OR9I1: variants seen among roughly 807,000 people sequenced by gnomAD.
OR9I1 encodes olfactory receptor 9I1.
In OR9I1, 7 loss-of-function variants were observed where a neutral mutation model predicts 11.2. The observed-to-expected ratio is 0.62, with a 90% CI of 0.36 to 1.17. The LOEUF (loss-of-function observed/expected upper bound fraction) is 1.17. Among genes scored for constraint, OR9I1 ranks in the 50% most tolerant of loss-of-function variants. The pLI is 0.02. For missense variants in OR9I1, 428 were observed against 377.2 expected (o/e 1.13, Z -1.12); for synonymous variants, 165 against 153.4 (o/e 1.08, Z -0.56).
intron 2 of OR9I1, among the ~76,000 whole-genome samples, chr11:58,120,249 T>C (rs911328197): frequency 6.4e-4 from 98 of 152,230 alleles, no homozygotes; most frequent in African/African-American, 2.1e-3. Context: ...TGACCTTGGG[T>C]AAGTTAACTA....
At chr11:58,123,870 T>C (rs1321950733) in intron 2 of OR9I1, among the ~76,000 whole-genome samples, 3 of 152,210 alleles carry the variant, frequency 2.0e-5, no homozygotes, top group Non-Finnish European at 2.9e-5. Flanking sequence ...TTCTTTGTGG[T>C]CCATGTTTTT....
rs756501183 is a variant in OR9I1, at chr11:58,119,012, C to G, written c.433G>C (p.Val145Leu). ...ACCCCACAGACATAGGCTCCTACCA[C>G]CAGGCTCCAGCAGAGCCTGGGATTC... ...AMNPRLCWSL[V>L]VGAYVCGVSG... is the part of the protein sequence containing the mutation. The change falls in exon 3 of 3, where the codon GTG becomes CTG. Residue 145 changes from valine to leucine, a missense_variant. Physicochemically the swap from Val to Leu is conservative, Grantham distance 32. Transcript: ENST00000641439. 3 of 1,613,928 alleles carry G rather than the reference C, an allele frequency of 1.9e-6. No homozygotes were observed. Among genetic ancestry groups the G allele is most frequent in the Non-Finnish European group, 2.5e-6 (3 of 1,179,992 alleles).
intron 1 of OR9I1, among the ~76,000 whole-genome samples, chr11:58,124,840 C>T (rs12804808): frequency 1.3e-5 from 2 of 152,010 alleles, no homozygotes; most frequent in African/African-American, 2.4e-5. Flanking sequence ...AACCATTTAT[C>T]GAACATCTTC....
In OR9I1 at chr11:58,125,398, T is replaced by A. The variant is rs1413256547; in HGVS notation, c.-349A>T. On this transcript the variant is annotated 5_prime_UTR_variant, in exon 1 of 3. Transcript: ENST00000641439. ...TTCTCTAGTTTGTGTGGACCTTACT[T>A]CAGAGCCAAGGTAATAATTAAGTCT... The A allele has an allele frequency of 6.6e-6, 1 of 152,164 alleles. No individual in the cohort carries two copies. The allele number at this position is 152,164 out of a possible 1,614,324, so 9.4% of individuals were successfully genotyped here.
intron 2 of OR9I1, among the ~76,000 whole-genome samples, chr11:58,120,658 G>T (rs909818906): frequency 2.0e-5 from 3 of 151,304 alleles, no homozygotes; most frequent in African/African-American, 7.3e-5. Flanking sequence ...GCTAAATAAT[G>T]TTGGCTACTT....
Position 58,119,430 on chromosome 11 carries a change from A to T in OR9I1, c.15T>A (p.Asn5Lys). 3.1e-6 allele frequency: 5 copies of T among 1,606,510 alleles called. No homozygotes were observed. The highest frequency in any genetic ancestry group is 4.3e-6 in the Non-Finnish European group (5 of 1,175,260). Residue 5 changes from asparagine (N) to lysine (K), a missense_variant, in exon 3 of 3, where the codon AAT becomes AAA. By Grantham distance (94) the Asn-to-Lys change is moderately conservative. Coordinates refer to ENST00000641439, the MANE Select transcript of OR9I1 (RefSeq NM_001005211.2). ...GAATGAATTCGGTTACTCTGGTGAG[A>T]TTATTCTTGGCCATGGAGACAATGT... MAKN[N>K]LTRVTEFILM... is the part of the protein sequence containing the mutation.
Position 58,119,170 on chromosome 11 carries a change from A to G in OR9I1, c.275T>C (p.Ile92Thr), listed in dbSNP as rs1853996816. ...LATLATGKTV[I>T]SYGHCAAQFF... is the part of the protein sequence containing the mutation. ...CTGGGCAGCACAGTGGCCGTAGGAG[A>G]TGACCGTTTTGCCTGTGGCCAATGT... Residue 92 changes from isoleucine to threonine, a missense_variant, in exon 3 of 3, where the codon ATC (isoleucine) becomes ACC (threonine). Transcript: ENST00000641439. 1.2e-6 allele frequency: 2 copies of G among 1,613,896 alleles called. No individual in the cohort carries two copies. Among genetic ancestry groups the G allele is most frequent in the Admixed American group, 3.3e-5 (2 of 60,002 alleles).
rs1322217366 is a variant in OR9I1, at chr11:58,119,346, A to G, written c.99T>C (p.Ser33=). 1 of 1,613,710 alleles carries G rather than the reference A, an allele frequency of 6.2e-7. No individual in the cohort carries two copies. The highest frequency in any genetic ancestry group is 2.2e-5 in the East Asian group (1 of 44,848). ...TCCCAAGAAGGGTGACTAGGTAGAA[A>G]CTCAGAAACACCAGAAAGAGGGGAA... The part of the protein sequence containing the change: ...LEIPLFLVFL[S]FYLVTLLGNV... Residue 33 remains serine, a synonymous_variant, in exon 3 of 3, where the codon AGT becomes AGC. Coordinates refer to ENST00000641439, the MANE Select transcript of OR9I1 (RefSeq NM_001005211.2).
intron 2 of OR9I1, among the ~76,000 whole-genome samples, chr11:58,123,241 A>G (rs1471688235): frequency 6.6e-6 from 1 of 152,088 alleles, no homozygotes; most frequent in East Asian, 1.9e-4. Context: ...GTCTCCCTCC[A>G]TTTTCCTATA....
rs2120129855 is a variant in OR9I1 at position 58,119,156 on chromosome 11, A to C, written c.289T>G (p.Cys97Gly). The change falls in exon 3 of 3, where the codon TGT (cysteine) becomes GGT (glycine). Residue 97 changes from cysteine to glycine, a missense_variant. Physicochemically the swap from Cys to Gly is radical, Grantham distance 159 (BLOSUM62 -3). Coordinates refer to ENST00000641439, the MANE Select transcript of OR9I1 (RefSeq NM_001005211.2). ...TGKTVISYGH[C>G]AAQFFLFTIC... ...GTGAATAAAAAGAACTGGGCAGCAC[A>C]GTGGCCGTAGGAGATGACCGTTTTG... 1 of 1,614,048 alleles carries C rather than the reference A, an allele frequency of 6.2e-7. No individual in the cohort carries two copies. The highest frequency in any genetic ancestry group is 1.1e-5 in the South Asian group (1 of 91,080).
At chr11:58,123,157 C>T (rs1036492978) in intron 2 of OR9I1, among the ~76,000 whole-genome samples, 37 of 152,122 alleles carry the variant, frequency 2.4e-4, no homozygotes, top group African/African-American at 8.5e-4. Flanking sequence ...CTAAAATTAC[C>T]TCCAAGTGAA....
Position 58,125,492 on chromosome 11 carries a change from TAAGCATTTTG to T in OR9I1, c.-453_-444del, listed in dbSNP as rs1388176556. ...GTAGTCAAGCTAAGCTAAGGTTGTT[TAAGCATTTTG>T]TAGAAAGCAGCTAAGATTGCTCAAA... On this transcript the variant is annotated 5_prime_UTR_variant, in exon 1 of 3. The change abolishes an upstream ATG in the 5' untranslated region. Transcript: ENST00000641439. 1 of 152,212 alleles carries T rather than the reference TAAGCATTTTG, an allele frequency of 6.6e-6. No homozygotes were observed. Among genetic ancestry groups the T allele is most frequent in the African/African-American group, 2.4e-5 (1 of 41,452 alleles). The allele number at this position is 152,212 out of a possible 1,614,324, so 9.4% of individuals were successfully genotyped here.
intron 2 of OR9I1, among the ~76,000 whole-genome samples, chr11:58,122,227 G>A (rs1369157987): frequency 6.6e-6 from 1 of 152,126 alleles, no homozygotes; most frequent in Non-Finnish European, 1.5e-5. Context: ...CTCTAATCAG[G>A]GTCCTAGTGG....
chr11:58,119,652 C>A (rs574958396), intron 2 of OR9I1, among the ~76,000 whole-genome samples, 186 bp from the exon 3 acceptor site: 1 of 152,252 alleles, frequency 6.6e-6, no homozygotes, highest in East Asian at 1.9e-4. Flanking sequence ...GCTGGTATTT[C>A]TGATTCAAAC....
chr11:58,124,669 T>C (rs1283695867), intron 1 of OR9I1, 30 bp from the exon 2 acceptor site: 2 of 152,182 alleles, frequency 1.3e-5, no homozygotes, highest in Admixed American at 1.3e-4. Flanking sequence ...GAGAGAAATA[T>C]TTTATTTTAC....
intron 2 of OR9I1, among the ~76,000 whole-genome samples, chr11:58,124,221 G>T (rs79352647): frequency 1.7e-3 from 261 of 152,210 alleles, no homozygotes; most frequent in African/African-American, 5.6e-3. Flanking sequence ...CCCGAACCCA[G>T]GACAGTTTAT....
Position 58,119,105 on chromosome 11 carries a change from G to C in OR9I1, c.340C>G (p.Leu114Val). The change falls in exon 3 of 3, where the codon CTG (leucine) becomes GTG (valine). Residue 114 changes from leucine (L) to valine (V), a missense_variant. Coordinates refer to ENST00000641439, the MANE Select transcript of OR9I1 (RefSeq NM_001005211.2). ...FTICAGTECF[L>V]LAVMAYDRYA... ...CGATCATAGGCCATCACTGCCAGCA[G>C]AAAGCACTCTGTGCCTGCACAGATG... The C allele has an allele frequency of 6.2e-7, 1 of 1,613,992 alleles. No homozygotes were observed. Among genetic ancestry groups the C allele is most frequent in the Non-Finnish European group, 8.5e-7 (1 of 1,179,968 alleles).
At chr11:58,120,803 C>CATATATATATATATATATATATATAT (rs61634454) in intron 2 of OR9I1, among the ~76,000 whole-genome samples, 5 of 132,682 alleles carry the variant, frequency 3.8e-5, no homozygotes, top group Non-Finnish European at 8.0e-5. Context: ...ATTTCAATAC[C>CATATATATATATATATATATATATAT]ATATATATAT....
At chr11:58,120,168 A>C (rs111926666) in intron 2 of OR9I1, among the ~76,000 whole-genome samples, 1 of 152,114 alleles carries the variant, frequency 6.6e-6, no homozygotes, top group African/African-American at 2.4e-5. Context: ...ATTGCATTTT[A>C]TATTTTTTAG....
Sources: gnomAD v4.1 joint callset for allele counts (sites outside exome capture counted in the v4.1 genomes callset) on GRCh38, gnomAD v4.1.1 for gene constraint, MANE v1.5 for transcripts, NCBI Gene and HGNC (gene_info 2026-07-23, HGNC 2026-07-21) for gene names.